DLEC1: variants seen among roughly 807,000 people sequenced by gnomAD.
DLEC1 encodes DLEC1 cilia and flagella associated protein.
Under a neutral mutation model 198.1 loss-of-function variants are expected in DLEC1, and 146 were observed. The observed-to-expected ratio is 0.74, with a 90% CI of 0.64 to 0.85. The LOEUF is 0.85. Ranked by LOEUF, DLEC1 falls within the 40% of genes least tolerant of loss-of-function variation. DLEC1 has a pLI of 0.00. For missense variants in DLEC1, 2,233 were observed against 2,220.0 expected (o/e 1.01, Z -0.12); for synonymous variants, 897 against 866.8 (o/e 1.03, Z -0.61).
rs1304260352 is a variant in DLEC1, at chr3:38,107,641, G to C, written c.2922G>C (p.Gln974His). 1 of 1,614,080 alleles carries C rather than the reference G, an allele frequency of 6.2e-7. No homozygotes were observed. The highest frequency in any genetic ancestry group is 1.1e-5 in the South Asian group (1 of 91,068). The change falls in exon 20 of 37, where the codon CAG becomes CAC. Residue 974 changes from glutamine to histidine, a missense_variant. By Grantham distance (24) the Gln-to-His change is conservative. Transcript: ENST00000308059. ...QKPHVYLQSSQVEVRNLYLGV... is the reference protein window; with the variant it reads ...QKPHVYLQSSHVEVRNLYLGV... The stretch of plus-strand genomic sequence containing the variant: ...CCCATGTGTACCTACAGAGCAGCCA[G>C]GTGGAGGTTAGAAATCTCTACCTGG...
rs758486866 is a variant in DLEC1 at position 38,039,544 on chromosome 3, G to A, written c.319G>A (p.Glu107Lys). The change falls in exon 1 of 37, where the codon GAG becomes AAG. Residue 107 changes from glutamate to lysine, a missense_variant. Coordinates refer to ENST00000308059, the MANE Select transcript of DLEC1 (RefSeq NM_007335.4). ...TGVFRNLYSA[E>K]VIGDEVSASL... The stretch of plus-strand genomic sequence containing the variant: ...CGTCTTCCGCAACTTGTACTCAGCC[G>A]AGGTCATCGGCGACGAAGTGAGCGC... 4.3e-6 allele frequency: 7 copies of A among 1,614,008 alleles called. No individual in the cohort carries two copies. The South Asian group carries it at 6.6e-5, about 15-fold the overall frequency.
intron 24 of DLEC1, 39 bp downstream of exon 24, chr3:38,111,786 C>T (rs376963487): frequency 1.7e-5 from 27 of 1,594,552 alleles, no homozygotes; most frequent in African/African-American, 5.4e-5. Flanking sequence ...GCCCAGGCCA[C>T]GGCCAGAGCC....
At chr3:38,050,718 C>G (rs185616921) in intron 2 of DLEC1, among the ~76,000 whole-genome samples, 190 of 152,338 alleles carry the variant, frequency 1.2e-3, no homozygotes, top group African/African-American at 4.1e-3. Flanking sequence ...AGGGAACAAA[C>G]TCCTAAACTA....
intron 2 of DLEC1, among the ~76,000 whole-genome samples, chr3:38,050,283 T>C (rs1239211379): frequency 2.0e-5 from 3 of 152,168 alleles, no homozygotes; most frequent in Non-Finnish European, 2.9e-5. Flanking sequence ...TTGCCCAGGC[T>C]GAGTTTCCAG....
rs767306644 is a variant in DLEC1 at position 38,059,799 on chromosome 3, T to C, written c.620T>C (p.Ile207Thr). ...GAGTTGCTACGGAAACATCATTTGA[T>C]CTCCCCAGAAGATTACTACACCGAT... ...DSELLRKHHL[I>T]SPEDYYTDTV... Residue 207 changes from isoleucine (I) to threonine (T), a missense_variant, in exon 3 of 37, where the codon ATC (isoleucine) becomes ACC (threonine). Coordinates refer to ENST00000308059, the MANE Select transcript of DLEC1 (RefSeq NM_007335.4). The C allele has an allele frequency of 1.9e-6, 3 of 1,614,160 alleles. No individual in the cohort carries two copies. The highest frequency in any genetic ancestry group is 3.3e-5 in the Admixed American group (2 of 60,024).
At position 38,122,195 on chromosome 3, in the gene DLEC1, G is replaced by C; in HGVS notation, c.5144+1G>C. 3.1e-6 allele frequency: 5 copies of C among 1,613,678 alleles called. No homozygotes were observed. Among genetic ancestry groups the C allele is most frequent in the Non-Finnish European group, 4.2e-6 (5 of 1,179,764 alleles). ...CCTTGCAGGTTTTCTTCACTGCCAG[G>C]TGCAGCCCCTTCCAACCTTCCCCAA... On this transcript the variant is annotated splice_donor_variant, in intron 36 of 36. Coordinates refer to ENST00000308059, the MANE Select transcript of DLEC1 (RefSeq NM_007335.4). LOFTEE classifies it high-confidence loss of function.
At chr3:38,116,727 T>TTGAACCTCAGTGACTGCG in intron 28 of DLEC1, 46 bp from the exon 29 acceptor site, 1 of 1,608,610 alleles carries the variant, frequency 6.2e-7, no homozygotes, top group South Asian at 1.1e-5. Context: ...AGTAGGCTAG[T>TTGAACCTCAGTGACTGCG]TGAACCTCAG....
chr3:38,119,415 C>T (rs1700342110), intron 33 of DLEC1, among the ~76,000 whole-genome samples: 1 of 152,172 alleles, frequency 6.6e-6, no homozygotes, highest in Non-Finnish European at 1.5e-5. Context: ...CTAGACCCAT[C>T]TCTGACCAAG....
At chr3:38,108,278 C>T (rs534634137) in intron 20 of DLEC1, 127 bp from the exon 21 acceptor site, 34 of 729,894 alleles carry the variant, frequency 4.7e-5, no homozygotes, top group African/African-American at 4.2e-4. Flanking sequence ...CCAGCCCTGT[C>T]GGTTTTGCTG....
intron 2 of DLEC1, among the ~76,000 whole-genome samples, chr3:38,058,715 A>G (rs934447305): frequency 5.9e-5 from 9 of 152,106 alleles, no homozygotes; most frequent in African/African-American, 2.2e-4. Flanking sequence ...TGTAATGTAA[A>G]CATGGACTTT....
intron 6 of DLEC1, among the ~76,000 whole-genome samples, chr3:38,078,646 G>A (rs1457268495): frequency 5.9e-5 from 9 of 152,170 alleles, no homozygotes; most frequent in Non-Finnish European, 1.0e-4. Context: ...GAAGTCTTGC[G>A]GCAGTACAGC....
chr3:38,086,306 A>G lies in DLEC1; in HGVS notation c.1501A>G (p.Lys501Glu), dbSNP rs1559433158. ...AGTCAAGATGACCAGATTCATCTGC[A>G]AAAATGTGGGTTTCAGTGTTGGCAG... ...GGVKMTRFIC[K>E]NVGFSVGRFC... The change falls in exon 9 of 37, where the codon AAA (lysine) becomes GAA (glutamate). Residue 501 changes from lysine to glutamate, a missense_variant. Coordinates refer to ENST00000308059, the MANE Select transcript of DLEC1 (RefSeq NM_007335.4). 6.2e-7 allele frequency: 1 copy of G among 1,613,292 alleles called. No individual in the cohort carries two copies. The highest frequency in any genetic ancestry group is 8.5e-7 in the Non-Finnish European group (1 of 1,179,576).
At chr3:38,058,755 T>G (rs1211336641) in intron 2 of DLEC1, among the ~76,000 whole-genome samples, 1 of 152,102 alleles carries the variant, frequency 6.6e-6, no homozygotes, top group Non-Finnish European at 1.5e-5. Context: ...ATGTAGGTTC[T>G]TCAGTAGTAA....
At chr3:38,102,115 C>G (rs1559449046) in intron 19 of DLEC1, among the ~76,000 whole-genome samples, 1 of 152,170 alleles carries the variant, frequency 6.6e-6, no homozygotes, top group Non-Finnish European at 1.5e-5. Flanking sequence ...TCCCCCTTCT[C>G]TACCTCCATC....
At chr3:38,053,158 C>T (rs1490088008) in intron 2 of DLEC1, among the ~76,000 whole-genome samples, 25 of 150,534 alleles carry the variant, frequency 1.7e-4, no homozygotes, top group East Asian at 7.8e-4. Flanking sequence ...ACCTCCCAGC[C>T]GCCTGCCTTG....
At chr3:38,049,830 TC>T (rs1418150148) in intron 2 of DLEC1, among the ~76,000 whole-genome samples, 1 of 152,206 alleles carries the variant, frequency 6.6e-6, no homozygotes, top group Non-Finnish European at 1.5e-5. Flanking sequence ...ATCACCAAAG[TC>T]CTTGGGAACT....
In DLEC1 at chr3:38,093,828, G is replaced by A. The variant is rs371584094; in HGVS notation, c.1919+61G>A. The A allele has an allele frequency of 6.3e-6, 10 of 1,593,974 alleles. No homozygotes were observed. The African/African-American group carries it at 8.1e-5, about 13-fold the overall frequency. Reference sequence around the variant, plus strand: ...CTTCTTCTTGCTTACCTGGCCCTCAGTCCCAGTGAGACAGGAGGTCCTTCC... The same window carrying A: ...CTTCTTCTTGCTTACCTGGCCCTCAATCCCAGTGAGACAGGAGGTCCTTCC... On this transcript the variant is annotated intron_variant, in intron 12 of 36. Transcript: ENST00000308059.
chr3:38,097,218 TG>T lies in DLEC1; in HGVS notation c.2382del (p.Lys795ArgfsTer17). 1 of 1,586,494 alleles carries T rather than the reference TG, an allele frequency of 6.3e-7. No individual in the cohort carries two copies. Among genetic ancestry groups the T allele is most frequent in the South Asian group, 1.1e-5 (1 of 87,220 alleles). ...CAGCAAGTCACCCATCAGATACCTGTGGGGGAAGATCAGCGACTGCCACATC... is the reference window on the plus strand; with the variant it reads ...CAGCAAGTCACCCATCAGATACCTGTGGGGAAGATCAGCGACTGCCACATC... ...NNSKSPIRYL[W>X]GKISDCHIIE... is the part of the protein sequence containing the mutation. On this transcript the variant is annotated frameshift_variant, in exon 16 of 37. Transcript: ENST00000308059. LOFTEE classifies it high-confidence loss of function.
rs1575232143 is a variant in DLEC1, at chr3:38,114,984, T to G, written c.3787T>G (p.Phe1263Val). Reference protein sequence around the residue: ...DQAQKEPAMRFGTQVSGGDTV... With the variant: ...DQAQKEPAMRVGTQVSGGDTV... ...TGAGTCCAGTCTGTCCCCCTCCAGG[T>G]TCGGCACCCAGGTCTCCGGAGGAGA... is the stretch of plus-strand genomic sequence containing the variant. The change falls in exon 27 of 37, where the codon TTC becomes GTC. Residue 1263 changes from phenylalanine (F) to valine (V), a missense_variant and splice_region_variant. Phe to Val is a conservative substitution (Grantham distance 50). Coordinates refer to ENST00000308059, the MANE Select transcript of DLEC1 (RefSeq NM_007335.4). 3 of 1,613,196 alleles carry G rather than the reference T, an allele frequency of 1.9e-6. No individual in the cohort carries two copies. Among genetic ancestry groups the G allele is most frequent in the African/African-American group, 1.3e-5 (1 of 75,024 alleles).
Sources: allele counts gnomAD v4.1 joint callset (sites outside exome capture counted in the v4.1 genomes callset), GRCh38; gene constraint gnomAD v4.1.1; transcripts MANE v1.5; gene names NCBI Gene and HGNC (gene_info 2026-07-23, HGNC 2026-07-21).